The following PCDH7 variants were observed in gnomAD, a reference collection of about 807,000 sequenced individuals.
PCDH7 encodes the protein protocadherin-7.
Under a neutral mutation model 58.9 loss-of-function variants are expected in PCDH7, and 17 were observed. That is an observed-to-expected ratio of 0.29 (90% CI 0.20 to 0.43). The LOEUF is 0.43. Among genes scored for constraint, PCDH7 ranks in the 20% least tolerant of loss-of-function variants. The pLI is 1.00. For synonymous variants in PCDH7, 664 were observed against 616.4 expected, an observed-to-expected ratio of 1.08 and a Z score of -1.14; for missense variants, 1,274 against 1,441.0, an observed-to-expected ratio of 0.88 and a Z score of 1.88.
chr4:30,822,111 C>T (rs552594352), intron 1 of PCDH7, among the ~76,000 whole-genome samples: 48 of 151,326 alleles, frequency 3.2e-4, no homozygotes, highest in Non-Finnish European at 4.7e-4. Flanking sequence ...GTCTGTAATC[C>T]GAGCATTTCC....
chr4:31,112,057 A>G (rs1325157029), intron 3 of PCDH7, among the ~76,000 whole-genome samples: 3 of 152,230 alleles, frequency 2.0e-5, no homozygotes, highest in East Asian at 1.9e-4. Flanking sequence ...TGTAAAATCT[A>G]AAAGTTAAGT....
exon 2 of PCDH7, chr4:30,920,318 G>A (rs1352276791): frequency 7.3e-7 from 1 of 1,367,588 alleles, no homozygotes; most frequent in East Asian, 4.6e-5. Context: ...GGACAACTAT[G>A]AAAGGACCAC....
intron 1 of PCDH7, among the ~76,000 whole-genome samples, chr4:30,844,773 AAG>A (rs1415255159): frequency 1.3e-5 from 2 of 152,262 alleles, no homozygotes; most frequent in Admixed American, 1.3e-4. Flanking sequence ...AGATATTGGA[AAG>A]AGAGCAGATT....
rs530503539 is a variant in PCDH7 at position 30,885,659 on chromosome 4, G to A, written c.71-34494G>A. Among the ~76,000 whole-genome samples, 217 of 152,136 alleles carry A rather than the reference G, an allele frequency of 1.4e-3. 1 individual carries two copies. Among genetic ancestry groups the A allele is most frequent in the African/African-American group, 4.4e-3 (184 of 41,526 alleles). ...ATGGAACCAAAAAAGAGCCTGCATCGCCAAGTCAATCCTAAGCCAAAAGAA... is the reference window on the plus strand; with the variant it reads ...ATGGAACCAAAAAAGAGCCTGCATCACCAAGTCAATCCTAAGCCAAAAGAA... On this transcript the variant is annotated intron_variant, in intron 1 of 3. Coordinates refer to the PCDH7 transcript ENST00000509759.
chr4:31,126,269 C>T (rs1462134070), intron 3 of PCDH7, among the ~76,000 whole-genome samples: 1 of 151,854 alleles, frequency 6.6e-6, no homozygotes, highest in Non-Finnish European at 1.5e-5. Context: ...GATTCTCACG[C>T]CTCAGCCTCC....
chr4:30,929,019 T>C (rs952225111), intron 2 of PCDH7, among the ~76,000 whole-genome samples: 1 of 152,172 alleles, frequency 6.6e-6, no homozygotes, highest in African/African-American at 2.4e-5. Flanking sequence ...ATTAATTTTG[T>C]GTCTTTCTTT....
At chr4:31,032,287 A>G (rs966322424) in intron 3 of PCDH7, among the ~76,000 whole-genome samples, 2 of 152,212 alleles carry the variant, frequency 1.3e-5, no homozygotes, top group Admixed American at 6.5e-5. Context: ...AATAACTTTT[A>G]AAAATGTATA....
intron 3 of PCDH7, among the ~76,000 whole-genome samples, chr4:31,009,480 C>T (rs1753016689): frequency 6.6e-6 from 1 of 151,878 alleles, no homozygotes; most frequent in Non-Finnish European, 1.5e-5. Flanking sequence ...TACACAGTAC[C>T]GGCCAAGAGT....
chr4:31,013,509 G>A (rs564002953), intron 3 of PCDH7, among the ~76,000 whole-genome samples: 1 of 148,248 alleles, frequency 6.7e-6, no homozygotes, highest in South Asian at 2.1e-4. Flanking sequence ...GCTTATGTAT[G>A]TATATATACA....
chr4:30,898,106 A>G (rs1457289428), intron 1 of PCDH7, among the ~76,000 whole-genome samples: 1 of 152,216 alleles, frequency 6.6e-6, no homozygotes. Flanking sequence ...GTTCAGTCAA[A>G]TTGGTTTAAC....
At chr4:30,912,906 C>T (rs1465321316) in intron 1 of PCDH7, among the ~76,000 whole-genome samples, 1 of 152,062 alleles carries the variant, frequency 6.6e-6, no homozygotes, top group African/African-American at 2.4e-5. Flanking sequence ...ATGAAAGGCA[C>T]TTATTTTTAA....
chr4:31,043,774 A>G (rs1370946992), intron 3 of PCDH7, among the ~76,000 whole-genome samples: 1 of 152,012 alleles, frequency 6.6e-6, no homozygotes, highest in African/African-American at 2.4e-5. Context: ...CTTTACTCTG[A>G]TAATAGTTTC....
chr4:30,988,359 G>T (rs1487306111), intron 3 of PCDH7, among the ~76,000 whole-genome samples: 1 of 152,060 alleles, frequency 6.6e-6, no homozygotes, highest in Non-Finnish European at 1.5e-5. Context: ...TAGATAGATG[G>T]GTAGACAGAA....
chr4:30,749,761 T>G (rs533279472), intron 1 of PCDH7, among the ~76,000 whole-genome samples: 1 of 152,140 alleles, frequency 6.6e-6, no homozygotes, highest in Non-Finnish European at 1.5e-5. Context: ...TTTAGGAAAA[T>G]AGTAATAAAA....
At chr4:30,736,506 T>A (rs1038050005), downstream of PCDH7, among the ~76,000 whole-genome samples, 5 of 151,440 alleles carry the variant, frequency 3.3e-5, no homozygotes, top group South Asian at 2.1e-4. Context: ...TTAGTTTTTT[T>A]AATTTATTTT....
At chr4:30,954,277 A>G (rs971582607) in intron 3 of PCDH7, among the ~76,000 whole-genome samples, 1 of 152,076 alleles carries the variant, frequency 6.6e-6, no homozygotes, top group Non-Finnish European at 1.5e-5. Context: ...CTTTTTGCTG[A>G]CCCTACCCAA....
At chr4:30,767,343 A>G (rs1257799489) in intron 1 of PCDH7, among the ~76,000 whole-genome samples, 1 of 152,216 alleles carries the variant, frequency 6.6e-6, no homozygotes, top group Admixed American at 6.5e-5. Flanking sequence ...CAAGAGCTAA[A>G]TAAGAACACG....
chr4:31,005,268 A>T lies in PCDH7; in HGVS notation c.*7+55053A>T, dbSNP rs141542716. 1.6e-3 allele frequency among the ~76,000 whole-genome samples: 244 copies of T among 152,114 alleles called. 1 individual carries two copies. The highest frequency in any genetic ancestry group is 5.6e-3 in the African/African-American group (233 of 41,504). ...GGAAGGTTGGGAAGCTGGAAGCGAC[A>T]CTCCTTTGCATTTATTTGCTGTGAG... On this transcript the variant is annotated intron_variant, in intron 3 of 3. Transcript: ENST00000509759.
chr4:30,754,382 C>T (rs1034305481), intron 1 of PCDH7, among the ~76,000 whole-genome samples: 2 of 152,122 alleles, frequency 1.3e-5, no homozygotes, highest in African/African-American at 2.4e-5. Context: ...AGAAGTGTAT[C>T]ACTTTATTAT....
Sources: allele counts gnomAD v4.1 joint callset (sites outside exome capture counted in the v4.1 genomes callset), GRCh38; gene constraint gnomAD v4.1.1; transcripts MANE v1.5; gene names NCBI Gene and HGNC (gene_info 2026-07-23, HGNC 2026-07-21).